Variants in ROBO1 observed in about 807,000 individuals in gnomAD.
ROBO1 encodes the protein roundabout guidance receptor 1.
Under a neutral mutation model 195.9 loss-of-function variants are expected in ROBO1, and 149 were observed. The observed-to-expected ratio is 0.76, with a 90% CI of 0.67 to 0.87. The LOEUF (loss-of-function observed/expected upper bound fraction) is 0.87, where lower values mean the gene tolerates loss of function less well. Ranked by LOEUF, ROBO1 falls within the 40% of genes least tolerant of loss-of-function variation. The probability of loss-of-function intolerance (pLI) is 0.00; values close to 1 mark genes in which losing one functional copy is unlikely to be tolerated. For synonymous variants in ROBO1, 816 were observed against 733.2 expected, an observed-to-expected ratio of 1.11 and a Z score of -1.82; for missense variants, 1,933 against 2,068.3, an observed-to-expected ratio of 0.93 and a Z score of 1.27.
chr3:79,209,625 G>T (rs1576818069), intron 2 of ROBO1, among the ~76,000 whole-genome samples: 1 of 152,068 alleles, frequency 6.6e-6, no homozygotes, highest in African/African-American at 2.4e-5. Context: ...CATCAGCAGT[G>T]TAGAAGAGCT....
chr3:79,721,038 C>T (rs1702679833), intron 1 of ROBO1, among the ~76,000 whole-genome samples: 1 of 152,080 alleles, frequency 6.6e-6, no homozygotes. Flanking sequence ...GTGATCCACC[C>T]GCCTTGGCCT....
At chr3:79,336,056 T>C (rs73125248) in intron 2 of ROBO1, among the ~76,000 whole-genome samples, 16,021 of 152,218 alleles carry the variant, frequency 0.11, 871 homozygotes, top group Middle Eastern at 0.14. Flanking sequence ...CTAGGGTTTC[T>C]GGCAGAAGAA....
chr3:78,675,746 G>A (rs868838076), intron 10 of ROBO1, among the ~76,000 whole-genome samples: 3 of 152,192 alleles, frequency 2.0e-5, no homozygotes, highest in African/African-American at 7.2e-5. Context: ...CTGGGGGCAG[G>A]GCATAGACAA....
chr3:78,646,784 G>C (rs1406014365), intron 20 of ROBO1, among the ~76,000 whole-genome samples: 4 of 151,876 alleles, frequency 2.6e-5, no homozygotes, highest in South Asian at 4.1e-4. Context: ...ATTTTCATCA[G>C]ACATGTATAG....
At chr3:79,614,804 A>G (rs1005561136) in intron 1 of ROBO1, among the ~76,000 whole-genome samples, 33 of 111,836 alleles carry the variant, frequency 3.0e-4, no homozygotes. Flanking sequence ...TGCAATCCCA[A>G]TTATAATCAT....
At chr3:79,275,998 T>G (rs1247367698) in intron 2 of ROBO1, among the ~76,000 whole-genome samples, 1 of 152,004 alleles carries the variant, frequency 6.6e-6, no homozygotes, top group African/African-American at 2.4e-5. Flanking sequence ...TGGAAAGCTA[T>G]TCCATGTTCA....
chr3:79,440,002 G>A (rs1038689685), intron 2 of ROBO1, among the ~76,000 whole-genome samples: 1 of 152,028 alleles, frequency 6.6e-6, no homozygotes, highest in African/African-American at 2.4e-5. Context: ...AAAGAAATCT[G>A]GGACTCTAAC....
At chr3:78,828,461 C>T (rs1245266355) in intron 4 of ROBO1, among the ~76,000 whole-genome samples, 1 of 152,066 alleles carries the variant, frequency 6.6e-6, no homozygotes, top group Non-Finnish European at 1.5e-5. Flanking sequence ...TTGCATGTAT[C>T]CAAGCATAAG....
At chr3:79,257,262 T>C (rs972111890) in intron 2 of ROBO1, among the ~76,000 whole-genome samples, 6 of 152,164 alleles carry the variant, frequency 3.9e-5, no homozygotes, top group Non-Finnish European at 8.8e-5. Flanking sequence ...CTGATTTTGA[T>C]TAAATCTAGT....
At chr3:78,881,165 T>A (rs1410560656) in intron 4 of ROBO1, among the ~76,000 whole-genome samples, 1 of 152,144 alleles carries the variant, frequency 6.6e-6, no homozygotes, top group Non-Finnish European at 1.5e-5. Flanking sequence ...AGAGATGAGT[T>A]TTATTTGTTT....
chr3:78,706,924 C>T (rs964453136), intron 8 of ROBO1, among the ~76,000 whole-genome samples: 1 of 152,044 alleles, frequency 6.6e-6, no homozygotes, highest in African/African-American at 2.4e-5. Flanking sequence ...GGCTGCATTG[C>T]CAACAAGTCA....
intron 4 of ROBO1, among the ~76,000 whole-genome samples, chr3:78,852,742 T>C (rs982370298): frequency 6.6e-6 from 1 of 152,096 alleles, no homozygotes; most frequent in Non-Finnish European, 1.5e-5. Context: ...TGAGAGATCT[T>C]AAGGAAGGAA....
rs190961657 is a variant in ROBO1, at chr3:79,763,998, T to C, written c.-51+3754A>G. The stretch of plus-strand genomic sequence containing the variant: ...ACATACTAGAAAAGCATGTACTCTG[T>C]CATGAGAAAGAACTTGTTTTTAATC... On this transcript the variant is annotated intron_variant, in intron 1 of 30. Coordinates refer to ENST00000464233, the MANE Select transcript of ROBO1 (RefSeq NM_002941.4). 2.6e-5 allele frequency among the ~76,000 whole-genome samples: 4 copies of C among 152,330 alleles called. No individual in the cohort carries two copies. In the East Asian group the frequency reaches 5.8e-4, roughly 22 times the overall value.
At chr3:79,543,410 C>G (rs1942149530) in intron 2 of ROBO1, among the ~76,000 whole-genome samples, 1 of 151,962 alleles carries the variant, frequency 6.6e-6, no homozygotes, top group Admixed American at 6.6e-5. Context: ...TATGAAATTA[C>G]TATGGGGTAC....
At chr3:79,224,184 TAACAA>T (rs150025009) in intron 2 of ROBO1, among the ~76,000 whole-genome samples, 3,939 of 152,272 alleles carry the variant, frequency 0.026, 154 homozygotes, top group African/African-American at 0.085. Flanking sequence ...TTTTTATAAC[TAACAA>T]AACAAAGCAA....
chr3:79,760,381 T>A (rs1254212896), intron 1 of ROBO1, among the ~76,000 whole-genome samples: 2 of 143,058 alleles, frequency 1.4e-5, no homozygotes, highest in Non-Finnish European at 3.0e-5. Context: ...TAAAAGGTAA[T>A]CAATTTTAAC....
chr3:78,897,503 A>G (rs2037308764), intron 4 of ROBO1, among the ~76,000 whole-genome samples: 1 of 152,194 alleles, frequency 6.6e-6, no homozygotes, highest in Admixed American at 6.5e-5. Context: ...ACAGAACTTT[A>G]AAAAACAGTT....
chr3:78,779,672 G>T (rs897723123), intron 4 of ROBO1, among the ~76,000 whole-genome samples: 6 of 152,174 alleles, frequency 3.9e-5, no homozygotes, highest in Non-Finnish European at 8.8e-5. Context: ...GTGTCAATTA[G>T]TTCAACCATT....
chr3:79,032,105 G>A (rs755347220), intron 3 of ROBO1, among the ~76,000 whole-genome samples: 1 of 151,948 alleles, frequency 6.6e-6, no homozygotes, highest in Non-Finnish European at 1.5e-5. Context: ...TGTAGATAAG[G>A]CTTAAGAGAG....
Sources: gnomAD v4.1 joint callset for allele counts (sites outside exome capture counted in the v4.1 genomes callset) on GRCh38, gnomAD v4.1.1 for gene constraint, MANE v1.5 for transcripts, NCBI Gene and HGNC (gene_info 2026-07-23, HGNC 2026-07-21) for gene names.